The following PAPPA2 variants were observed in gnomAD, a reference collection of about 807,000 sequenced individuals.
The protein encoded by PAPPA2 is pappalysin 2.
Under a neutral mutation model 176.4 loss-of-function variants are expected in PAPPA2, and 86 were observed. That is an observed-to-expected ratio of 0.49 (90% confidence interval 0.41 to 0.58). The LOEUF is 0.58. Among genes scored for constraint, PAPPA2 ranks in the 20% least tolerant of loss-of-function variants. PAPPA2 has a pLI of 0.00. For missense variants in PAPPA2, 2,073 were observed against 2,256.9 expected, an observed-to-expected ratio of 0.92 and a Z score of 1.65; for synonymous variants, 809 against 852.2, an observed-to-expected ratio of 0.95 and a Z score of 0.88.
intron 14 of PAPPA2, among the ~76,000 whole-genome samples, chr1:176,759,600 G>A (rs536351879): frequency 6.6e-6 from 1 of 152,284 alleles, no homozygotes; most frequent in African/African-American, 2.4e-5. Context: ...AAGCTTCAGG[G>A]CAGCTGTAGG....
At chr1:176,658,085 T>C (rs978850868) in intron 3 of PAPPA2, among the ~76,000 whole-genome samples, 1 of 151,998 alleles carries the variant, frequency 6.6e-6, no homozygotes, top group Non-Finnish European at 1.5e-5. Context: ...GCTAATGAAA[T>C]AAGGAATGCT....
At chr1:176,477,854 C>T (rs1200570873) in intron 1 of PAPPA2, among the ~76,000 whole-genome samples, 2 of 152,076 alleles carry the variant, frequency 1.3e-5, no homozygotes, top group East Asian at 1.9e-4. Context: ...GGGGCTCAAC[C>T]CATTATTTGA....
chr1:176,793,366 C>T (rs899881584), intron 19 of PAPPA2, among the ~76,000 whole-genome samples, 194 bp from the exon 20 acceptor site: 3 of 152,130 alleles, frequency 2.0e-5, no homozygotes, highest in African/African-American at 7.2e-5. Flanking sequence ...GGGGCAGAGT[C>T]TCTTTACCAA....
intron 1 of PAPPA2, among the ~76,000 whole-genome samples, chr1:176,498,074 G>A (rs561585299): frequency 2.0e-5 from 3 of 152,284 alleles, no homozygotes; most frequent in Admixed American, 6.5e-5. Flanking sequence ...ATAGTACTCA[G>A]AATTGAACAC....
At chr1:176,616,401 A>G in intron 3 of PAPPA2, 8 of 611,216 alleles carry the variant, frequency 1.3e-5, no homozygotes, top group South Asian at 1.2e-4. Flanking sequence ...TATGAATTGT[A>G]CTGCATCTTC....
intron 5 of PAPPA2, 90 bp from the exon 6 acceptor site, chr1:176,692,036 G>T: frequency 2.4e-6 from 3 of 1,269,682 alleles, no homozygotes; most frequent in Admixed American, 2.1e-5. Flanking sequence ...AGTTAACTCA[G>T]CCATGAACAA....
chr1:176,561,143 A>G (rs11585020), intron 2 of PAPPA2, among the ~76,000 whole-genome samples: 35,063 of 152,028 alleles, frequency 0.23, 5,346 homozygotes, highest in African/African-American at 0.43. Context: ...TGTGGTCTTC[A>G]GCGATCCATT....
chr1:176,766,510 T>G (rs968773398), intron 15 of PAPPA2, among the ~76,000 whole-genome samples: 1 of 152,212 alleles, frequency 6.6e-6, no homozygotes, highest in Non-Finnish European at 1.5e-5. Flanking sequence ...CAAAAGAAAT[T>G]AATCTCCTTA....
chr1:176,635,750 T>A (rs1044554115), intron 3 of PAPPA2, among the ~76,000 whole-genome samples: 2 of 152,178 alleles, frequency 1.3e-5, no homozygotes, highest in African/African-American at 4.8e-5. Context: ...GACCTTTCCA[T>A]GTCATTTCCA....
chr1:176,744,636 T>C (rs1662826513), intron 14 of PAPPA2, among the ~76,000 whole-genome samples: 1 of 152,104 alleles, frequency 6.6e-6, no homozygotes. Context: ...GGAGAACAGA[T>C]CTCTGACCCA....
intron 12 of PAPPA2, among the ~76,000 whole-genome samples, chr1:176,717,638 T>C (rs1011414433): frequency 6.6e-6 from 1 of 152,228 alleles, no homozygotes; most frequent in Non-Finnish European, 1.5e-5. Flanking sequence ...AAACCTCTCC[T>C]TGGCTAAGCC....
chr1:176,769,427 A>T (rs1021447785), intron 15 of PAPPA2, among the ~76,000 whole-genome samples, 180 bp from the exon 16 acceptor site: 7 of 152,326 alleles, frequency 4.6e-5, no homozygotes, highest in African/African-American at 1.7e-4. Context: ...TATCAGCATC[A>T]TACTGAGTGT....
chr1:176,704,449 G>A (rs906881705), intron 9 of PAPPA2, among the ~76,000 whole-genome samples: 8 of 152,190 alleles, frequency 5.3e-5, no homozygotes, highest in Middle Eastern at 3.4e-3. Flanking sequence ...ACGATGCAGG[G>A]CCCTGAAATT....
intron 1 of PAPPA2, among the ~76,000 whole-genome samples, chr1:176,499,087 T>C (rs1647809123): frequency 6.6e-6 from 1 of 152,208 alleles, no homozygotes; most frequent in South Asian, 2.1e-4. Context: ...GCAGAGGTGC[T>C]ATGACTGCAG....
intron 1 of PAPPA2, among the ~76,000 whole-genome samples, chr1:176,512,928 G>A (rs1648694548): frequency 6.6e-6 from 1 of 152,058 alleles, no homozygotes; most frequent in Non-Finnish European, 1.5e-5. Context: ...TTCTCACCAG[G>A]TATTTTGCAG....
chr1:176,487,149 T>C (rs887697070), intron 1 of PAPPA2, among the ~76,000 whole-genome samples: 10 of 152,172 alleles, frequency 6.6e-5, no homozygotes, highest in African/African-American at 2.4e-4. Context: ...TATGGATAAA[T>C]GTAATTATTA....
intron 3 of PAPPA2, among the ~76,000 whole-genome samples, chr1:176,615,496 TTTTTGTA>T (rs1655154414): frequency 2.6e-5 from 4 of 152,082 alleles, no homozygotes; most frequent in Non-Finnish European, 5.9e-5. Flanking sequence ...TCTTTTTTCT[TTTTTGTA>T]TTTTTAGTAG....
intron 12 of PAPPA2, among the ~76,000 whole-genome samples, chr1:176,717,890 A>G (rs928195792): frequency 5.9e-5 from 9 of 152,346 alleles, no homozygotes; most frequent in South Asian, 2.1e-4. Flanking sequence ...ATCTACATTC[A>G]TTAGAGTTTG....
At chr1:176,495,537 CAAAAAAAAA>C (rs537075802) in intron 1 of PAPPA2, among the ~76,000 whole-genome samples, 2 of 69,912 alleles carry the variant, frequency 2.9e-5, no homozygotes, top group Non-Finnish European at 5.8e-5. Flanking sequence ...AACTCTGTTT[CAAAAAAAAA>C]AAAAAAGAAA....
Sources: allele counts gnomAD v4.1 joint callset (sites outside exome capture counted in the v4.1 genomes callset), GRCh38; gene constraint gnomAD v4.1.1; transcripts MANE v1.5; gene names NCBI Gene and HGNC (gene_info 2026-07-23, HGNC 2026-07-21).